The following APBB1IP variants were observed in gnomAD, a reference collection of about 807,000 sequenced individuals.
The protein encoded by APBB1IP is amyloid beta A4 precursor protein-binding family B member 1-interacting protein.
Under a neutral mutation model 64.9 loss-of-function variants are expected in APBB1IP, and 27 were observed. The ratio of observed to expected loss-of-function variants is 0.42; its 90% confidence interval spans 0.31 to 0.57. APBB1IP has a LOEUF of 0.57. Ranked by LOEUF, APBB1IP falls within the 20% of genes least tolerant of loss-of-function variation. The pLI, the probability that APBB1IP is intolerant of heterozygous loss-of-function variation, is 0.20. For missense variants in APBB1IP, 812 were observed against 845.5 expected, an observed-to-expected ratio of 0.96 and a Z score of 0.49; for synonymous variants, 392 against 331.0, an observed-to-expected ratio of 1.18 and a Z score of -2.00.
Position 26,440,255 on chromosome 10 carries a change from G to A in APBB1IP, c.-1+1402G>A, listed in dbSNP as rs536249595. ...TCTCCCTGGACTTCAGATAACGTCA[G>A]TAAAGTGAGATGATTGGGCTACATT... is the stretch of plus-strand genomic sequence containing the variant. On this transcript the variant is annotated intron_variant, in intron 2 of 14. Transcript: ENST00000376236. Among the ~76,000 whole-genome samples, 4 of 152,266 alleles carry A rather than the reference G, an allele frequency of 2.6e-5. No homozygotes were observed. The South Asian group carries it at 8.3e-4, about 32-fold the overall frequency.
chr10:26,508,780 T>C (rs1314974714), intron 6 of APBB1IP, among the ~76,000 whole-genome samples: 1 of 152,190 alleles, frequency 6.6e-6, no homozygotes, highest in Non-Finnish European at 1.5e-5. Context: ...TCTATAATTG[T>C]GGACATTCAT....
chr10:26,449,257 A>G (rs1219999052), intron 2 of APBB1IP, among the ~76,000 whole-genome samples: 1 of 152,224 alleles, frequency 6.6e-6, no homozygotes, highest in Non-Finnish European at 1.5e-5. Context: ...TGCAACAGAC[A>G]GAAGTAACCA....
intron 2 of APBB1IP, among the ~76,000 whole-genome samples, chr10:26,463,044 G>C (rs1372637224): frequency 1.3e-5 from 2 of 152,176 alleles, no homozygotes; most frequent in Non-Finnish European, 2.9e-5. Context: ...CTTTGGGTTG[G>C]ATGAAGATCA....
rs531722873 is a variant in APBB1IP at position 26,443,053 on chromosome 10, C to T, written c.-1+4200C>T. 5.3e-5 allele frequency among the ~76,000 whole-genome samples: 8 copies of T among 152,132 alleles called. No homozygotes were observed. The South Asian group carries it at 8.3e-4, about 16-fold the overall frequency. ...TAGAAATAGTTAATAGTAAGTACCA[C>T]GGAAATTGTGCTATCTTAGACATTG... is the stretch of plus-strand genomic sequence containing the variant. On this transcript the variant is annotated intron_variant, in intron 2 of 14. Transcript: ENST00000376236.
At chr10:26,461,358 C>T (rs552386544) in intron 2 of APBB1IP, among the ~76,000 whole-genome samples, 19 of 152,200 alleles carry the variant, frequency 1.2e-4, no homozygotes, top group Middle Eastern at 3.4e-3. Flanking sequence ...TATTTCAATA[C>T]GACTCATTAA....
At position 26,513,590 on chromosome 10, in the gene APBB1IP, C is replaced by A. The variant is rs773993669; in HGVS notation, c.743C>A (p.Thr248Lys). The A allele has an allele frequency of 2.5e-6, 4 of 1,612,586 alleles. No individual in the cohort carries two copies. The highest frequency in any genetic ancestry group is 3.4e-6 in the Non-Finnish European group (4 of 1,179,606). Reference sequence around the variant, plus strand: ...GTTGTTGAAGTCTTATCAGACTGGACAAGAGACACAGAAAATAAAATACTA... The same window carrying A: ...GTTGTTGAAGTCTTATCAGACTGGAAAAGAGACACAGAAAATAAAATACTA... ...ENVVEVLSDW[T>K]RDTENKILFL... The change falls in exon 8 of 15, where the codon ACA becomes AAA. Residue 248 changes from threonine to lysine, a missense_variant. Physicochemically the swap from Thr to Lys is moderately conservative, Grantham distance 78. Transcript: ENST00000376236.
At chr10:26,511,430 G>T (rs910430381) in intron 6 of APBB1IP, among the ~76,000 whole-genome samples, 1 of 152,206 alleles carries the variant, frequency 6.6e-6, no homozygotes, top group South Asian at 2.1e-4. Flanking sequence ...ACAAGGGAAA[G>T]ATTATTGGGA....
Position 26,445,167 on chromosome 10 carries a change from AG to A in APBB1IP, c.-1+6315del, listed in dbSNP as rs1168594554. Among the ~76,000 whole-genome samples the A allele has an allele frequency of 7.7e-4, 117 of 151,292 alleles. 1 individual carries two copies. Among genetic ancestry groups the A allele is most frequent in the Middle Eastern group, 6.8e-3 (2 of 294 alleles). On this transcript the variant is annotated intron_variant, in intron 2 of 14. Coordinates refer to ENST00000376236, the MANE Select transcript of APBB1IP (RefSeq NM_019043.4). Reference sequence around the variant, plus strand: ...AAGAAAGAAAGAAAGAAAGAAAGAAAGAAAGAAAGAAAGAAAGAAAGAAAGA... The same window carrying A: ...AAGAAAGAAAGAAAGAAAGAAAGAAAAAAGAAAGAAAGAAAGAAAGAAAGA...
intron 8 of APBB1IP, among the ~76,000 whole-genome samples, chr10:26,516,385 A>G (rs943757965): frequency 6.6e-6 from 1 of 151,572 alleles, no homozygotes; most frequent in Non-Finnish European, 1.5e-5. Flanking sequence ...TCTACTAAAA[A>G]TTTAAAACTT....
intron 3 of APBB1IP, among the ~76,000 whole-genome samples, chr10:26,495,819 C>T (rs1268681065): frequency 6.7e-6 from 1 of 149,358 alleles, no homozygotes; most frequent in Non-Finnish European, 1.5e-5. Context: ...CATCCTCAAA[C>T]AGCTTTTCTT....
chr10:26,489,137 G>A (rs139462048), intron 2 of APBB1IP, among the ~76,000 whole-genome samples: 70 of 152,286 alleles, frequency 4.6e-4, no homozygotes, highest in African/African-American at 1.7e-3. Context: ...ACATCACATA[G>A]CAATTCAAGC....
At chr10:26,470,227 T>G (rs923533575) in intron 2 of APBB1IP, among the ~76,000 whole-genome samples, 1 of 152,206 alleles carries the variant, frequency 6.6e-6, no homozygotes, top group Non-Finnish European at 1.5e-5. Context: ...ACATAAGATG[T>G]TCAACTCTTC....
chr10:26,483,127 C>G (rs1011389207), intron 2 of APBB1IP, among the ~76,000 whole-genome samples: 2 of 129,844 alleles, frequency 1.5e-5, no homozygotes, highest in South Asian at 2.6e-4. Context: ...GCAGTCAATA[C>G]TAGGATACAA....
intron 8 of APBB1IP, among the ~76,000 whole-genome samples, chr10:26,517,292 A>T (rs1201381756): frequency 2.0e-5 from 3 of 152,238 alleles, no homozygotes; most frequent in Non-Finnish European, 4.4e-5. Context: ...CCACATGAAG[A>T]TAACAGAGCA....
intron 9 of APBB1IP, 135 bp downstream of exon 9, chr10:26,533,660 T>C: frequency 2.0e-6 from 1 of 490,794 alleles, no homozygotes; most frequent in Non-Finnish European, 3.6e-6. Flanking sequence ...AATCAAATTA[T>C]TTCTAAATTA....
chr10:26,546,842 G>A (rs1359321265), intron 11 of APBB1IP, among the ~76,000 whole-genome samples: 1 of 152,170 alleles, frequency 6.6e-6, no homozygotes, highest in African/African-American at 2.4e-5. Context: ...ATTGTGAACA[G>A]TGCTGCAATA....
At chr10:26,515,771 C>A (rs1283618519) in intron 8 of APBB1IP, among the ~76,000 whole-genome samples, 1 of 152,018 alleles carries the variant, frequency 6.6e-6, no homozygotes, top group African/African-American at 2.4e-5. Context: ...TACCTCCATA[C>A]CCCTTTAGGC....
chr10:26,566,091 G>A (rs780562169), intron 14 of APBB1IP, among the ~76,000 whole-genome samples: 3 of 151,794 alleles, frequency 2.0e-5, no homozygotes, highest in Non-Finnish European at 4.4e-5. Flanking sequence ...AGTTACATTC[G>A]TTTTTTTTGC....
intron 11 of APBB1IP, among the ~76,000 whole-genome samples, chr10:26,556,698 G>C (rs903000316): frequency 1.3e-5 from 2 of 152,208 alleles, no homozygotes; most frequent in Non-Finnish European, 2.9e-5. Flanking sequence ...ATGAGATTTA[G>C]TCTGCTCTGG....
Sources: allele counts gnomAD v4.1 joint callset (sites outside exome capture counted in the v4.1 genomes callset), GRCh38; gene constraint gnomAD v4.1.1; transcripts MANE v1.5; gene names NCBI Gene and HGNC (gene_info 2026-07-23, HGNC 2026-07-21).